The following TNKS2 variants were observed in gnomAD, a reference collection of about 807,000 sequenced individuals.
TNKS2 encodes poly [ADP-ribose] polymerase tankyrase-2.
In TNKS2, 72 loss-of-function variants were observed where a neutral mutation model predicts 137.6. That is an observed-to-expected ratio of 0.52 (90% CI 0.43 to 0.64). The LOEUF (loss-of-function observed/expected upper bound fraction) is 0.64, where lower values mean the gene tolerates loss of function less well. TNKS2 is among the 30% of genes least tolerant of loss of function. The pLI is 0.00. For missense variants in TNKS2, 1,049 were observed against 1,410.2 expected (o/e 0.74, Z 4.10); for synonymous variants, 516 against 512.1 (o/e 1.01, Z -0.10).
rs1254520824 is a variant in TNKS2, at chr10:91,865,243, C to T, written c.*2244C>T. The T allele has an allele frequency of 1.3e-5, 2 of 152,428 alleles. No individual in the cohort carries two copies. Among genetic ancestry groups the T allele is most frequent in the Admixed American group, 6.6e-5 (1 of 15,258 alleles). 9.4% of individuals were successfully genotyped at this position (152,428 alleles called of 1,614,324 possible). On this transcript the variant is annotated 3_prime_UTR_variant, in exon 27 of 27. Transcript: ENST00000371627. ...CTTGTACTGTATCACATTCCATACC[C>T]TCATTTAATTCTTAATAAAACTGTT...
intron 1 of TNKS2, among the ~76,000 whole-genome samples, chr10:91,810,552 G>C (rs541124442): frequency 4.0e-5 from 6 of 151,774 alleles, no homozygotes; most frequent in African/African-American, 1.4e-4. Flanking sequence ...TCCCAGGCTG[G>C]AGTGCAGTGG....
intron 19 of TNKS2, among the ~76,000 whole-genome samples, chr10:91,849,009 G>A (rs113218876): frequency 1.6e-3 from 243 of 152,252 alleles, no homozygotes; most frequent in African/African-American, 5.7e-3. Flanking sequence ...GCTAATTTTT[G>A]TAGTTTTAGT....
In TNKS2 at chr10:91,842,349, C is replaced by T. The variant is rs771677211; in HGVS notation, c.2017C>T (p.Arg673Cys). The change falls in exon 16 of 27, where the codon CGC (arginine) becomes TGC (cysteine). Residue 673 changes from arginine to cysteine, a missense_variant. Physicochemically the swap from Arg to Cys is radical, Grantham distance 180. This residue lies in a region of TNKS2 where 328 missense variants were observed against 436.0 expected (regional missense o/e 0.75). Coordinates refer to ENST00000371627, the MANE Select transcript of TNKS2 (RefSeq NM_025235.4). The part of the protein sequence containing the change: ...KLSSPDNVNC[R>C]DTQGRHSTPL... ...GTCTTCTCCTGATAATGTAAATTGC[C>T]GCGATACCCAAGGCAGACATTCAAC... 5.1e-5 allele frequency: 83 copies of T among 1,613,930 alleles called. 1 individual carries two copies. The highest frequency in any genetic ancestry group is 4.9e-4 in the South Asian group (45 of 91,074).
intron 1 of TNKS2, among the ~76,000 whole-genome samples, chr10:91,808,014 A>G (rs1844385659): frequency 9.4e-6 from 1 of 106,124 alleles, no homozygotes; most frequent in South Asian, 4.5e-4. Flanking sequence ...AAAAAAAAAG[A>G]GTCTAGAAAA....
chr10:91,813,356 G>T (rs1184631597), intron 2 of TNKS2, 149 bp downstream of exon 2: 2 of 767,680 alleles, frequency 2.6e-6, no homozygotes, highest in Non-Finnish European at 4.1e-6. Context: ...TATTTACTGA[G>T]TGTCTTTTTG....
chr10:91,842,791 T>A (rs1842252961), intron 16 of TNKS2, among the ~76,000 whole-genome samples: 1 of 151,984 alleles, frequency 6.6e-6, no homozygotes, highest in African/African-American at 2.4e-5. Flanking sequence ...AAATAAAAAT[T>A]CAAATCAAGT....
intron 11 of TNKS2, among the ~76,000 whole-genome samples, chr10:91,831,388 C>T (rs1489458423): frequency 6.6e-6 from 1 of 152,088 alleles, no homozygotes; most frequent in African/African-American, 2.4e-5. Context: ...ATACACATTC[C>T]TGTATGTCCT....
intron 16 of TNKS2, 65 bp from the exon 17 acceptor site, chr10:91,844,854 G>A (rs1842318354): frequency 2.0e-6 from 2 of 981,792 alleles, no homozygotes; most frequent in African/African-American, 1.6e-5. Flanking sequence ...ACAAGTGGAA[G>A]TATTATGACA....
chr10:91,834,546 T>C (rs1437653241), intron 12 of TNKS2, among the ~76,000 whole-genome samples: 1 of 152,234 alleles, frequency 6.6e-6, no homozygotes, highest in Non-Finnish European at 1.5e-5. Flanking sequence ...TCTCTACTTT[T>C]ATTAGAATTT....
At chr10:91,848,261 T>C in intron 18 of TNKS2, 122 bp from the exon 19 acceptor site, 1 of 1,066,174 alleles carries the variant, frequency 9.4e-7, no homozygotes, top group East Asian at 2.6e-5. Context: ...TGAATAATCC[T>C]CCATTGTGAT....
chr10:91,798,871 C>T lies in TNKS2; in HGVS notation c.181C>T (p.Pro61Ser), dbSNP rs992989343. ...SRDTAGRKST[P>S]LHFAAGFGRK... ...CGACACGGCGGGCAGGAAATCCACC[C>T]CGCTGCACTTCGCCGCAGGTAACCG... is the stretch of plus-strand genomic sequence containing the variant. Residue 61 changes from proline (P) to serine (S), a missense_variant, in exon 1 of 27, where the codon CCG becomes TCG. Around this residue, in one of 6 missense-constraint regions of TNKS2, gnomAD observed 374 missense variants for 460.8 expected, o/e 0.81. Coordinates refer to ENST00000371627, the MANE Select transcript of TNKS2 (RefSeq NM_025235.4). The T allele has an allele frequency of 8.7e-6, 12 of 1,375,282 alleles. No individual in the cohort carries two copies. Among genetic ancestry groups the T allele is most frequent in the African/African-American group, 1.5e-5 (1 of 66,448 alleles). The allele number at this position is 1,375,282 out of a possible 1,614,324, so 85.2% of individuals were successfully genotyped here. A position where few individuals can be genotyped will look rare whatever the true frequency, so the allele number is the denominator to read the frequency against.
At chr10:91,836,582 C>G (rs1046986002) in intron 12 of TNKS2, 12 of 948,074 alleles carry the variant, frequency 1.3e-5, no homozygotes, top group Middle Eastern at 5.3e-4. Context: ...TCTGTTTGCT[C>G]TCTTAATTTA....
At chr10:91,852,864 G>T (rs77146061) in intron 21 of TNKS2, among the ~76,000 whole-genome samples, 14 of 152,172 alleles carry the variant, frequency 9.2e-5, no homozygotes, top group Admixed American at 9.2e-4. Flanking sequence ...AAAGGTAGAT[G>T]TATTTTACTG....
chr10:91,842,291 C>G lies in TNKS2; in HGVS notation c.1959C>G (p.Ala653=). The change falls in exon 16 of 27, where the codon GCC becomes GCG. Residue 653 remains alanine (A), a synonymous_variant. Coordinates refer to ENST00000371627, the MANE Select transcript of TNKS2 (RefSeq NM_025235.4). ...GAGATGCAGCTTTGCTAGATGCTGC[C>G]AAGAAGGGTTGTTTAGCCAGAGTGA... ...LRGDAALLDA[A]KKGCLARVKK... is the part of the protein sequence containing the mutation. 1 of 1,613,954 alleles carries G rather than the reference C, an allele frequency of 6.2e-7. No homozygotes were observed. Among genetic ancestry groups the G allele is most frequent in the Non-Finnish European group, 8.5e-7 (1 of 1,179,978 alleles).
intron 24 of TNKS2, among the ~76,000 whole-genome samples, chr10:91,858,400 T>C (rs1464084123): frequency 1.3e-5 from 2 of 152,192 alleles, no homozygotes; most frequent in African/African-American, 2.4e-5. Flanking sequence ...TTCTAATTTG[T>C]AATATAAATA....
intron 13 of TNKS2, 86 bp downstream of exon 13, chr10:91,837,084 G>A: frequency 1.5e-6 from 2 of 1,351,222 alleles, no homozygotes; most frequent in South Asian, 1.5e-5. Context: ...TGAAGAGCCT[G>A]GTTTATTTGT....
chr10:91,822,145 G>A, intron 6 of TNKS2, 151 bp from the exon 7 acceptor site: 1 of 573,344 alleles, frequency 1.7e-6, no homozygotes, highest in South Asian at 3.0e-5. Context: ...GGTTCAAATG[G>A]ATGTTACTAA....
rs566276017 is a variant in TNKS2, at chr10:91,855,143, T to A, written c.2913+17T>A. 1 of 1,450,756 alleles carries A rather than the reference T, an allele frequency of 6.9e-7. No individual in the cohort carries two copies. The highest frequency in any genetic ancestry group is 1.1e-5 in the South Asian group (1 of 87,400). 89.9% of individuals were successfully genotyped at this position (1,450,756 alleles called of 1,614,324 possible). A position where few individuals can be genotyped will look rare whatever the true frequency, so the allele number is the denominator to read the frequency against. ...GAGGAAGAGGTATGTTCATATAACTTCAATAGTAGGTTTGCCGTATATATT... is the reference window on the plus strand; with the variant it reads ...GAGGAAGAGGTATGTTCATATAACTACAATAGTAGGTTTGCCGTATATATT... On this transcript the variant is annotated intron_variant, in intron 22 of 26. Coordinates refer to ENST00000371627, the MANE Select transcript of TNKS2 (RefSeq NM_025235.4).
chr10:91,861,683 C>T (rs1842854957), intron 25 of TNKS2, among the ~76,000 whole-genome samples: 1 of 152,094 alleles, frequency 6.6e-6, no homozygotes, highest in Non-Finnish European at 1.5e-5. Flanking sequence ...TCCACTAAAC[C>T]TTCTCCTTCC....
Sources: allele counts gnomAD v4.1 joint callset (sites outside exome capture counted in the v4.1 genomes callset), GRCh38; gene constraint gnomAD v4.1.1; regional missense constraint gnomAD v4.1.1; transcripts MANE v1.5; gene names NCBI Gene and HGNC (gene_info 2026-07-23, HGNC 2026-07-21).